The following PLD1 variants were observed in gnomAD, a reference collection of about 807,000 sequenced individuals.
PLD1 encodes choline phosphatase 1.
PLD1 carries 112 observed loss-of-function variants against 137.1 expected under a neutral mutation model. The ratio of observed to expected loss-of-function variants is 0.82; its 90% confidence interval spans 0.70 to 0.96. The LOEUF is 0.96. Among genes scored for constraint, PLD1 ranks in the 40% least tolerant of loss-of-function variants. PLD1 has a pLI of 0.00. For missense variants in PLD1, 1,321 were observed against 1,342.0 expected (o/e 0.98, Z 0.24); for synonymous variants, 431 against 454.7 (o/e 0.95, Z 0.66).
At chr3:171,695,352 G>C (rs1192242072) in intron 12 of PLD1, among the ~76,000 whole-genome samples, 1 of 152,214 alleles carries the variant, frequency 6.6e-6, no homozygotes, top group East Asian at 1.9e-4. Context: ...GAAAGGGACG[G>C]AAATTATTAA....
intron 6 of PLD1, among the ~76,000 whole-genome samples, chr3:171,728,047 C>T (rs925907082): frequency 1.4e-4 from 22 of 152,142 alleles, no homozygotes; most frequent in Admixed American, 5.2e-4. Context: ...TAGTGGCTCA[C>T]GCCTGTAATC....
rs532441752 is a variant in PLD1, at chr3:171,808,539, AAAT to A, written c.-32+1857_-32+1859del. ...CGACAGAGCGAGACTCCGTCTCAAA[AAAT>A]AATAATAATAATAATAATGACAGTC... On this transcript the variant is annotated intron_variant, in intron 1 of 26. Transcript: ENST00000351298. Among the ~76,000 whole-genome samples the A allele has an allele frequency of 3.8e-3, 577 of 151,944 alleles. 3 individuals are homozygous for A. The highest frequency in any genetic ancestry group is 0.013 in the African/African-American group (540 of 41,486).
At chr3:171,756,882 G>A (rs1408078097) in intron 1 of PLD1, among the ~76,000 whole-genome samples, 1 of 152,140 alleles carries the variant, frequency 6.6e-6, no homozygotes, top group Non-Finnish European at 1.5e-5. Flanking sequence ...ATCTTGAATT[G>A]TTCACTTTCA....
At chr3:171,703,637 A>C (rs1429182607) in intron 11 of PLD1, among the ~76,000 whole-genome samples, 1 of 152,252 alleles carries the variant, frequency 6.6e-6, no homozygotes, top group Non-Finnish European at 1.5e-5. Flanking sequence ...ATACATAGAA[A>C]AATACAAAAT....
chr3:171,738,850 T>G (rs886815025), intron 1 of PLD1, among the ~76,000 whole-genome samples: 5 of 152,218 alleles, frequency 3.3e-5, no homozygotes, highest in African/African-American at 1.2e-4. Context: ...GATATTATTT[T>G]TCATGTAAAA....
At chr3:171,683,658 C>T (rs565067719) in intron 16 of PLD1, among the ~76,000 whole-genome samples, 5 of 152,306 alleles carry the variant, frequency 3.3e-5, no homozygotes, top group South Asian at 2.1e-4. Context: ...CTCTTCCTCC[C>T]GGATCATGCT....
chr3:171,661,892 T>C (rs910591526), intron 20 of PLD1, among the ~76,000 whole-genome samples, 168 bp downstream of exon 20: 20 of 152,156 alleles, frequency 1.3e-4, no homozygotes, highest in African/African-American at 4.3e-4. Flanking sequence ...CCAGGTATGC[T>C]TGGGAGGTCA....
intron 1 of PLD1, among the ~76,000 whole-genome samples, chr3:171,747,853 C>T (rs1168240668): frequency 6.6e-6 from 1 of 152,176 alleles, no homozygotes; most frequent in Non-Finnish European, 1.5e-5. Context: ...ACAATCTGAT[C>T]TAATTTGCTA....
intron 1 of PLD1, among the ~76,000 whole-genome samples, chr3:171,803,885 ATAAT>A (rs1480381561): frequency 4.6e-5 from 7 of 152,236 alleles, no homozygotes. Context: ...ATTTAGTAAA[ATAAT>A]TAGTAAGTCA....
At chr3:171,757,921 T>C (rs1358308023) in intron 1 of PLD1, among the ~76,000 whole-genome samples, 1 of 152,130 alleles carries the variant, frequency 6.6e-6, no homozygotes, top group Non-Finnish European at 1.5e-5. Context: ...CTACCCAATA[T>C]AAGAAATAGC....
chr3:171,767,975 C>A (rs1722090318), intron 1 of PLD1, among the ~76,000 whole-genome samples: 1 of 151,934 alleles, frequency 6.6e-6, no homozygotes, highest in African/African-American at 2.4e-5. Flanking sequence ...GGGCTTAGAA[C>A]AGTGACTGCA....
In PLD1 at chr3:171,764,883, GAAAGAAAGA is replaced by G. The variant is rs1560288509; in HGVS notation, c.-31-26810_-31-26802del. ...AGAAAGAAAGAAAGAAAGAAAGAAA[GAAAGAAAGA>G]AAGGAAGGAAGGAAGGAAGGAAAGA... On this transcript the variant is annotated intron_variant, in intron 1 of 26. Transcript: ENST00000351298. Among the ~76,000 whole-genome samples, 174 of 25,200 alleles carry G rather than the reference GAAAGAAAGA, an allele frequency of 6.9e-3. 10 individuals carry two copies. Among genetic ancestry groups the G allele is most frequent in the East Asian group, 0.015 (29 of 1,886 alleles). 16.5% of individuals were successfully genotyped at this position (25,200 alleles called of 152,430 possible).
intron 23 of PLD1, among the ~76,000 whole-genome samples, chr3:171,629,775 T>G (rs1251662772): frequency 6.6e-6 from 1 of 152,206 alleles, no homozygotes; most frequent in Non-Finnish European, 1.5e-5. Context: ...GGATTCCCTA[T>G]TCAATAAATG....
At chr3:171,795,503 A>C (rs917416583) in intron 1 of PLD1, among the ~76,000 whole-genome samples, 1 of 151,976 alleles carries the variant, frequency 6.6e-6, no homozygotes, top group Non-Finnish European at 1.5e-5. Context: ...CTGGTCTTTC[A>C]CCCCTGCTCC....
rs1230644371 is a variant in PLD1 at position 171,688,820 on chromosome 3, C to T, written c.1395G>A (p.Glu465=). ...SSTVYLWAHH[E]KLVIIDQSVA... is the part of the protein sequence containing the mutation. ...CCGATTGGTCAATGATGACAAGCTT[C>T]TCATGGTGAGCCCACAAATAGACGG... The change falls in exon 14 of 27, where the codon GAG becomes GAA. Residue 465 remains glutamate, a synonymous_variant. Coordinates refer to ENST00000351298, the MANE Select transcript of PLD1 (RefSeq NM_002662.5). 1.1e-5 allele frequency: 17 copies of T among 1,614,102 alleles called. No individual in the cohort carries two copies. The highest frequency in any genetic ancestry group is 1.4e-5 in the Non-Finnish European group (17 of 1,179,996).
At chr3:171,758,715 C>T (rs41273601) in intron 1 of PLD1, among the ~76,000 whole-genome samples, 41,236 of 152,064 alleles carry the variant, frequency 0.27, 5,968 homozygotes, top group Admixed American at 0.31. Flanking sequence ...ATGACAGAAG[C>T]GTTGTGCCCA....
intron 8 of PLD1, among the ~76,000 whole-genome samples, chr3:171,714,697 C>G (rs1262513600): frequency 1.3e-5 from 2 of 152,030 alleles, no homozygotes; most frequent in East Asian, 3.8e-4. Context: ...GGCTTTATAA[C>G]TTGGAATTTA....
chr3:171,782,938 A>C (rs1722848763), intron 1 of PLD1, among the ~76,000 whole-genome samples: 1 of 152,204 alleles, frequency 6.6e-6, no homozygotes, highest in Non-Finnish European at 1.5e-5. Context: ...GATGGGGTCC[A>C]CTGGGGTGCA....
At chr3:171,808,737 C>G (rs1260990767) in intron 1 of PLD1, among the ~76,000 whole-genome samples, 1 of 151,268 alleles carries the variant, frequency 6.6e-6, no homozygotes, top group Non-Finnish European at 1.5e-5. Context: ...TTGTACAGCG[C>G]TTACTATAGT....
Sources: gnomAD v4.1 joint callset for allele counts (sites outside exome capture counted in the v4.1 genomes callset) on GRCh38, gnomAD v4.1.1 for gene constraint, MANE v1.5 for transcripts, NCBI Gene and HGNC (gene_info 2026-07-23, HGNC 2026-07-21) for gene names.